SANBR: variants seen among roughly 807,000 people sequenced by gnomAD.
SANBR encodes SANT and BTB domain regulator of CSR, also known as SANT and BTB domain regulator of class switch recombination.
In SANBR, 77 loss-of-function variants were observed where a neutral mutation model predicts 101.8. The observed-to-expected ratio is 0.76, with a 90% CI of 0.63 to 0.91. SANBR has a LOEUF of 0.91. Among genes scored for constraint, SANBR ranks in the 40% least tolerant of loss-of-function variants. The pLI is 0.00. For missense variants in SANBR, 875 were observed against 853.0 expected, an observed-to-expected ratio of 1.03 and a Z score of -0.32; for synonymous variants, 279 against 274.7, an observed-to-expected ratio of 1.02 and a Z score of -0.15.
chr2:61,080,579 C>G (rs1162458994), intron 6 of SANBR, among the ~76,000 whole-genome samples: 1 of 151,640 alleles, frequency 6.6e-6, no homozygotes, highest in Non-Finnish European at 1.5e-5. Flanking sequence ...AAATTAGCTG[C>G]GTGTGGTGGT....
intron 1 of SANBR, 142 bp downstream of exon 1, chr2:61,066,169 C>G (rs1681140232): frequency 6.5e-6 from 1 of 153,122 alleles, no homozygotes; most frequent in Non-Finnish European, 1.5e-5. Context: ...CCCCCGAACG[C>G]CCCCGTGCAC....
In SANBR at chr2:61,121,274, A is replaced by G. The variant is rs1215951936; in HGVS notation, c.2118A>G (p.Thr706=). The part of the protein sequence containing the change: ...SARQSSSEKN[T]RSKSRFGQGR... ...GCCAAAGCAGCTCAGAGAAAAACAC[A>G]AGGTAAATCAGCATAAACTAAACCA... The change falls in exon 21 of 22, where the codon ACA becomes ACG. Residue 706 remains threonine (T), a splice_region_variant and synonymous_variant. Transcript: ENST00000402291. 8.4e-6 allele frequency: 13 copies of G among 1,549,746 alleles called. No individual in the cohort carries two copies. The highest frequency in any genetic ancestry group is 1.4e-5 in the African/African-American group (1 of 72,974).
intron 13 of SANBR, among the ~76,000 whole-genome samples, 164 bp from the exon 14 acceptor site, chr2:61,106,390 CAAAAAAAAA>C (rs11364653): frequency 1.6e-5 from 1 of 63,260 alleles, no homozygotes; most frequent in African/African-American, 6.3e-5. Context: ...GACTCCATCT[CAAAAAAAAA>C]AAAAAAAAAA....
At chr2:61,069,255 A>G (rs915774424) in intron 2 of SANBR, among the ~76,000 whole-genome samples, 4 of 152,198 alleles carry the variant, frequency 2.6e-5, no homozygotes, top group Non-Finnish European at 5.9e-5. Flanking sequence ...TTTATGCAGC[A>G]TCTCATTTGT....
rs1354842615 is a variant in SANBR, at chr2:61,070,405, G to T, written c.55G>T (p.Val19Leu). The part of the protein sequence containing the change: ...NNFLNNNNQM[V>L]LDMILYPLIG... ...TTTCCTGAACAATAATAACCAAATG[G>T]TATTGGACATGATCCTTTATCCATT... The change falls in exon 3 of 22, where the codon GTA becomes TTA. Residue 19 changes from valine to leucine, a missense_variant. Coordinates refer to ENST00000402291, the MANE Select transcript of SANBR (RefSeq NM_001129993.3). 3 of 1,600,696 alleles carry T rather than the reference G, an allele frequency of 1.9e-6. No individual in the cohort carries two copies. The highest frequency in any genetic ancestry group is 2.6e-6 in the Non-Finnish European group (3 of 1,174,458).
chr2:61,114,467 T>C (rs1404725935), intron 16 of SANBR, among the ~76,000 whole-genome samples: 1 of 152,212 alleles, frequency 6.6e-6, no homozygotes, highest in East Asian at 1.9e-4. Context: ...ACCCTTGCTA[T>C]AGCTCAAAGA....
downstream of SANBR, among the ~76,000 whole-genome samples, chr2:61,128,149 G>A (rs1684569780): frequency 6.6e-6 from 1 of 151,992 alleles, no homozygotes; most frequent in Admixed American, 6.6e-5. Context: ...GCATGCACCT[G>A]TAGTCCCAGC....
intron 21 of SANBR, among the ~76,000 whole-genome samples, chr2:61,134,624 G>GTGGCTCACGCCTGTAGT (rs1684790042): frequency 6.6e-6 from 1 of 152,244 alleles, no homozygotes; most frequent in Non-Finnish European, 1.5e-5. Context: ...GCCAGGCACG[G>GTGGCTCACGCCTGTAGT]TGGCTCACGC....
chr2:61,118,997 C>T (rs1427484695), intron 20 of SANBR, among the ~76,000 whole-genome samples: 1 of 152,070 alleles, frequency 6.6e-6, no homozygotes, highest in African/African-American at 2.4e-5. Context: ...GAAAATGTGT[C>T]ATCACACCAA....
At position 61,108,340 on chromosome 2, in the gene SANBR, T is replaced by C. The variant is rs1178196276; in HGVS notation, c.1635T>C (p.Thr545=). The part of the protein sequence containing the change: ...LNAFLSLKNW[T]LQLKQQSLFS... ...AGTTCTTGTCATTGAAAAACTGGAC[T>C]CTACAACTGGTAAGTGAGCAATTAC... The change falls in exon 15 of 22, where the codon ACT becomes ACC. Residue 545 remains threonine (T), a synonymous_variant. Transcript: ENST00000402291. The C allele has an allele frequency of 6.3e-7, 1 of 1,574,828 alleles. No homozygotes were observed. Among genetic ancestry groups the C allele is most frequent in the East Asian group, 2.3e-5 (1 of 43,118 alleles).
At chr2:61,114,721 C>G (rs1683992175) in intron 16 of SANBR, among the ~76,000 whole-genome samples, 1 of 152,140 alleles carries the variant, frequency 6.6e-6, no homozygotes, top group Non-Finnish European at 1.5e-5. Flanking sequence ...GTGTCGTGAT[C>G]ACAGCTCACT....
intron 6 of SANBR, among the ~76,000 whole-genome samples, chr2:61,081,113 A>T (rs1682100817): frequency 6.6e-6 from 1 of 152,190 alleles, no homozygotes; most frequent in Non-Finnish European, 1.5e-5. Context: ...TTAATCATTT[A>T]AAAAGTTTTC....
intron 17 of SANBR, among the ~76,000 whole-genome samples, chr2:61,116,687 C>T (rs940493009): frequency 2.0e-5 from 3 of 152,066 alleles, no homozygotes; most frequent in African/African-American, 7.2e-5. Flanking sequence ...CACAGAATTA[C>T]ATTGGACACA....
intron 10 of SANBR, chr2:61,090,693 GTGTA>G (rs1280245657): frequency 1.9e-5 from 3 of 153,868 alleles, no homozygotes; most frequent in Non-Finnish European, 2.9e-5. Flanking sequence ...CCTGGCAATT[GTGTA>G]TGTGTGTGTG....
intron 20 of SANBR, 32 bp downstream of exon 20, chr2:61,118,148 T>G (rs1471849616): frequency 7.3e-7 from 1 of 1,362,636 alleles, no homozygotes; most frequent in South Asian, 1.2e-5. Context: ...ATTGTACTTG[T>G]GTAAAATATG....
At chr2:61,093,511 C>T (rs535409791) in intron 11 of SANBR, 1 of 152,324 alleles carries the variant, frequency 6.6e-6, no homozygotes, top group African/African-American at 2.4e-5. Flanking sequence ...GGGAGAATCA[C>T]TTGAACCCGG....
At chr2:61,069,603 C>G (rs1393296330) in intron 2 of SANBR, 1 of 152,268 alleles carries the variant, frequency 6.6e-6, no homozygotes, top group Non-Finnish European at 1.5e-5. Flanking sequence ...TATAACTAGT[C>G]AAAACTTTTG....
rs1295729118 is a variant in SANBR at position 61,122,362 on chromosome 2, C to T, written c.*200C>T. On this transcript the variant is annotated 3_prime_UTR_variant, in exon 22 of 22. Coordinates refer to ENST00000402291, the MANE Select transcript of SANBR (RefSeq NM_001129993.3). ...ATTGTAAATATGAAACTTTTTAAAT[C>T]TGATTTTCTTCTAATATCATTCTAG... 3 of 1,252,824 alleles carry T rather than the reference C, an allele frequency of 2.4e-6. No individual in the cohort carries two copies. In the East Asian group the frequency reaches 8.5e-5, roughly 35 times the overall value. 77.6% of individuals were successfully genotyped at this position (1,252,824 alleles called of 1,614,324 possible).
downstream of SANBR, among the ~76,000 whole-genome samples, chr2:61,126,169 T>C (rs1352532190): frequency 6.6e-6 from 1 of 152,210 alleles, no homozygotes; most frequent in Non-Finnish European, 1.5e-5. Context: ...ACCCATTCTT[T>C]TCCAATTCAG....
Sources: allele counts gnomAD v4.1 joint callset (sites outside exome capture counted in the v4.1 genomes callset), GRCh38; gene constraint gnomAD v4.1.1; transcripts MANE v1.5; gene names NCBI Gene and HGNC (gene_info 2026-07-23, HGNC 2026-07-21).